The following GNAS variants were observed in gnomAD, a reference collection of about 807,000 sequenced individuals.
The protein encoded by GNAS is GNAS complex locus, also known as protein ALEX.
A neutral mutation model predicts 54.5 loss-of-function variants in GNAS; 8 were observed. The observed-to-expected ratio is 0.15, with a 90% CI of 0.09 to 0.26. GNAS has a LOEUF of 0.26. Among genes scored for constraint, GNAS ranks in the 10% least tolerant of loss-of-function variants. The pLI, the probability that GNAS is intolerant of heterozygous loss-of-function variation, is 1.00. For missense variants in GNAS, 170 were observed against 529.8 expected, an observed-to-expected ratio of 0.32 and a Z score of 6.67; for synonymous variants, 204 against 191.4, an observed-to-expected ratio of 1.07 and a Z score of -0.54.
intron 1 of GNAS, among the ~76,000 whole-genome samples, chr20:58,847,800 A>T (rs1214818208): frequency 6.6e-6 from 1 of 152,160 alleles, no homozygotes; most frequent in African/African-American, 2.4e-5. Context: ...GGCTACAGGG[A>T]TAAACCCAGA....
intron 6 of GNAS, among the ~76,000 whole-genome samples, chr20:58,908,400 T>C (rs1261442538): frequency 6.6e-6 from 1 of 152,200 alleles, no homozygotes. Flanking sequence ...ACTTTGTGTT[T>C]GTTTCCTGTT....
chr20:58,854,608 A>G (rs776846313), intron 1 of GNAS: 1 of 1,510,702 alleles, frequency 6.6e-7, no homozygotes, highest in Admixed American at 2.0e-5. Context: ...GCGGCCCCTG[A>G]CGCCCCAGCC....
At chr20:58,890,004 G>C (rs1308304796), upstream of GNAS, among the ~76,000 whole-genome samples, 4 of 151,508 alleles carry the variant, frequency 2.6e-5, no homozygotes, top group African/African-American at 9.7e-5. Flanking sequence ...CGAGCCGAGA[G>C]AGCCGCTCGC....
intron 1 of GNAS, 37 bp downstream of exon 1, chr20:58,891,902 G>C (rs749186910): frequency 9.8e-7 from 1 of 1,023,680 alleles, no homozygotes; most frequent in Non-Finnish European, 1.2e-6. Context: ...CCGGCCCGGG[G>C]GCCCTCGAAG....
chr20:58,854,915 C>T, intron 1 of GNAS: 1 of 1,598,960 alleles, frequency 6.3e-7, no homozygotes, highest in Non-Finnish European at 8.5e-7. Flanking sequence ...GCGCGTCTGC[C>T]TGGCGGGGCA....
rs545306394 is a variant in GNAS at position 58,853,276 on chromosome 20, G to A, written c.43+12390G>A. 23 of 1,546,494 alleles carry A rather than the reference G, an allele frequency of 1.5e-5. No homozygotes were observed. The East Asian group carries it at 4.2e-4, about 28-fold the overall frequency. ...GGCCGCCACCGTGTTATGGGCGTGC[G>A]CAACTGCCTCTACGGCAATAATATG... On this transcript the variant is annotated intron_variant, in intron 1 of 12. Coordinates refer to the GNAS transcript ENST00000306090. This position sits in a 1 kb window ranked among gnomAD's most constrained non-coding sequence, Gnocchi z 4.4.
chr20:58,910,275 A>G lies in GNAS; in HGVS notation c.971-59A>G. On this transcript the variant is annotated intron_variant, in intron 11 of 12. Coordinates refer to ENST00000371085, the MANE Select transcript of GNAS (RefSeq NM_000516.7). The surrounding 1 kb of genome is among the most constrained non-coding windows in gnomAD (Gnocchi z 5.8). ...AGACTTCAGGAGCTACAGAGATGCT[A>G]GCACCCCAGCTCTGCTTGAATTTTA... The G allele has an allele frequency of 7.4e-7, 1 of 1,359,982 alleles. No homozygotes were observed. Among genetic ancestry groups the G allele is most frequent in the Non-Finnish European group, 1.1e-6 (1 of 947,738 alleles). The allele number at this position is 1,359,982 out of a possible 1,614,324, so 84.2% of individuals were successfully genotyped here.
Position 58,857,211 on chromosome 20 carries a change from A to C in GNAS, c.43+16325A>C, listed in dbSNP as rs1328901558. ...GGCATTATTGGCATATAACTGTGCT[A>C]TTGTGATGTGGCTCTCACAAATCAC... On this transcript the variant is annotated intron_variant, in intron 1 of 12. Coordinates refer to the GNAS transcript ENST00000306090. This position sits in a 1 kb window ranked among gnomAD's most constrained non-coding sequence, Gnocchi z 4.1. 1 of 152,236 alleles carries C rather than the reference A, an allele frequency of 6.6e-6. No individual in the cohort carries two copies. Among genetic ancestry groups the C allele is most frequent in the Admixed American group, 6.5e-5 (1 of 15,288 alleles). 9.4% of individuals were successfully genotyped at this position (152,236 alleles called of 1,614,324 possible).
At chr20:58,875,261 T>A (rs2087731785) in intron 1 of GNAS, among the ~76,000 whole-genome samples, 1 of 152,176 alleles carries the variant, frequency 6.6e-6, no homozygotes, top group Non-Finnish European at 1.5e-5. Flanking sequence ...ACATGGCACA[T>A]CTGAAAAGTG....
chr20:58,896,749 C>T (rs1402980648), intron 2 of GNAS, among the ~76,000 whole-genome samples: 1 of 152,140 alleles, frequency 6.6e-6, no homozygotes, highest in Non-Finnish European at 1.5e-5. Context: ...TAATTACTAG[C>T]TGGTTGGCAC....
chr20:58,862,914 G>A (rs1174657916), intron 1 of GNAS, among the ~76,000 whole-genome samples: 1 of 150,788 alleles, frequency 6.6e-6, no homozygotes, highest in African/African-American at 2.4e-5. Flanking sequence ...CAATACCGAG[G>A]CTGAGCTCAA....
chr20:58,906,719 A>G (rs962423188), intron 6 of GNAS, among the ~76,000 whole-genome samples: 5 of 152,040 alleles, frequency 3.3e-5, no homozygotes, highest in Non-Finnish European at 7.4e-5. Flanking sequence ...TTTAGTAGAG[A>G]TGGGGTTTCA....
chr20:58,895,706 G>A (rs767504093), intron 2 of GNAS, 22 bp downstream of exon 2: 1 of 1,368,080 alleles, frequency 7.3e-7, no homozygotes, highest in Non-Finnish European at 1.0e-6. Flanking sequence ...ATCTGTGCAG[G>A]GGGGCACCAA....
chr20:58,878,784 C>T, intron 1 of GNAS, among the ~76,000 whole-genome samples: 1 of 152,028 alleles, frequency 6.6e-6, no homozygotes, highest in Non-Finnish European at 1.5e-5. Context: ...ACATTAGGGT[C>T]CGGCAGTTCT....
At chr20:58,877,160 C>T (rs1278442043) in intron 1 of GNAS, among the ~76,000 whole-genome samples, 4 of 150,610 alleles carry the variant, frequency 2.7e-5, no homozygotes, top group East Asian at 3.9e-4. Context: ...TTTTTTTTTC[C>T]GGTTTTTACA....
At chr20:58,864,342 G>T (rs528711749) in intron 1 of GNAS, among the ~76,000 whole-genome samples, 12 of 151,892 alleles carry the variant, frequency 7.9e-5, no homozygotes, top group Non-Finnish European at 1.3e-4. Flanking sequence ...CGATTTTTTT[G>T]GGGGGGCCTT....
At chr20:58,840,336 C>T, upstream of GNAS, 2 of 1,613,150 alleles carry the variant, frequency 1.2e-6, no homozygotes, top group Non-Finnish European at 1.7e-6. The surrounding 1 kb of genome is among the most constrained non-coding windows in gnomAD (Gnocchi z 6.0). Context: ...CAGGTATTCC[C>T]TGAGTCCCCC....
chr20:58,854,601 G>A (rs1266122946), intron 1 of GNAS: 1 of 1,539,446 alleles, frequency 6.5e-7, no homozygotes, highest in Admixed American at 1.9e-5. Flanking sequence ...CTCCGGGGCG[G>A]CCCCTGACGC....
Position 58,876,871 on chromosome 20 carries a change from C to T in GNAS, c.44-18741C>T, listed in dbSNP as rs62203840. ...CCAGAAGTAGCCACCACCACCGTTC[C>T]TCCTGATGAAAATGGCCTCACCAGC... On this transcript the variant is annotated intron_variant, in intron 1 of 12. Coordinates refer to the GNAS transcript ENST00000306090. 751 of 152,630 alleles carry T rather than the reference C, an allele frequency of 4.9e-3. 4 individuals carry two copies. The highest frequency in any genetic ancestry group is 9.0e-3 in the Non-Finnish European group (616 of 68,136). The allele number at this position is 152,630 out of a possible 1,614,324, so 9.5% of individuals were successfully genotyped here. A position where few individuals can be genotyped will look rare whatever the true frequency, so the allele number is the denominator to read the frequency against.
Sources: gnomAD v4.1 joint callset for allele counts (sites outside exome capture counted in the v4.1 genomes callset) on GRCh38, gnomAD v4.1.1 for gene constraint, Gnocchi (gnomAD v3.1) non-coding constraint, MANE v1.5 for transcripts, NCBI Gene and HGNC (gene_info 2026-07-23, HGNC 2026-07-21) for gene names.